Variants in NHERF2 observed in about 807,000 individuals in gnomAD.
NHERF2 encodes the protein Na(+)/H(+) exchange regulatory cofactor NHE-RF2.
At chr16:2,035,980 A>G in the NHERF2 span, 1 of 284,966 alleles carries the variant, frequency 3.5e-6, no homozygotes, top group East Asian at 6.8e-5. Context: ...CTCAGGGACA[A>G]CCGCCCCAGG....
chr16:2,033,537 C>T, the NHERF2 span: 1 of 1,229,682 alleles, frequency 8.1e-7, no homozygotes, highest in South Asian at 1.5e-5. Context: ...GCAGGCTGGT[C>T]GCTGAGCAAC....
chr16:2,036,271 T>C, the NHERF2 span: 2 of 1,526,504 alleles, frequency 1.3e-6, no homozygotes, highest in South Asian at 1.2e-5. Context: ...GGGAGTGGCC[T>C]CTGGAGGCGG....
chr16:2,036,248 G>A, the NHERF2 span: 4 of 1,436,738 alleles, frequency 2.8e-6, no homozygotes, highest in Admixed American at 4.3e-5. Context: ...TTTGGGCAGT[G>A]GCGGCACCAC....
At chr16:2,035,955 C>T in the NHERF2 span, 22 of 234,044 alleles carry the variant, frequency 9.4e-5, no homozygotes, top group South Asian at 7.6e-4. Context: ...GGCAGGGGGA[C>T]GCACAGGCAG....
chr16:2,029,728 G>A, the NHERF2 span: 1 of 1,555,820 alleles, frequency 6.4e-7, no homozygotes, highest in Non-Finnish European at 8.7e-7. Context: ...ACCCCTGGGA[G>A]CCGAAGCCAG....
chr16:2,027,284 G>A, the NHERF2 span: 18 of 987,162 alleles, frequency 1.8e-5, no homozygotes, highest in Non-Finnish European at 2.4e-5. Context: ...GGGGCGAGCA[G>A]GGGTCGCACG....
At chr16:2,031,110 G>A in the NHERF2 span, among the ~76,000 whole-genome samples, 2 of 152,204 alleles carry the variant, frequency 1.3e-5, no homozygotes, top group Non-Finnish European at 1.5e-5. Context: ...CGTCACTGCT[G>A]AAGCTGGCTG....
chr16:2,029,855 T>A, the NHERF2 span: 2 of 1,341,414 alleles, frequency 1.5e-6, no homozygotes. Flanking sequence ...ACGACGATCT[T>A]TGCCTTTGGT....
chr16:2,026,955 C>A, the NHERF2 span: 1 of 818,032 alleles, frequency 1.2e-6, no homozygotes, highest in South Asian at 5.3e-5. Flanking sequence ...GCCGCCGCCC[C>A]CGAGCTCCCC....
the NHERF2 span, chr16:2,037,903 G>A: frequency 1.2e-6 from 2 of 1,611,176 alleles, no homozygotes; most frequent in Non-Finnish European, 1.7e-6. Context: ...AGGCCAAGGA[G>A]AAGGCTCGAG....
the NHERF2 span, chr16:2,038,194 G>A: frequency 2.8e-4 from 168 of 606,488 alleles, no homozygotes; most frequent in Non-Finnish European, 4.4e-4. Flanking sequence ...GAGACCCAGA[G>A]ATGTGAGAGA....
the NHERF2 span, among the ~76,000 whole-genome samples, chr16:2,027,635 G>T: frequency 6.6e-6 from 1 of 152,218 alleles, no homozygotes; most frequent in Admixed American, 6.5e-5. Flanking sequence ...GTGTGCATGC[G>T]CCTGCCTGTG....
chr16:2,027,294 G>A, the NHERF2 span: 1 of 811,538 alleles, frequency 1.2e-6, no homozygotes, highest in Non-Finnish European at 1.7e-6. Context: ...GGGGTCGCAC[G>A]GGGGCCCGAG....
At chr16:2,032,931 C>T in the NHERF2 span, 3 of 1,079,218 alleles carry the variant, frequency 2.8e-6, no homozygotes, top group Admixed American at 5.0e-5. The surrounding 1 kb of genome is among the most constrained non-coding windows in gnomAD (Gnocchi z 4.0). Context: ...TGAGGGGTGA[C>T]AGTTCTGCGG....
At chr16:2,033,907 G>A in the NHERF2 span, among the ~76,000 whole-genome samples, 3 of 152,214 alleles carry the variant, frequency 2.0e-5, no homozygotes, top group East Asian at 1.9e-4. Flanking sequence ...TGTGCCTGGC[G>A]CCACTGGGAC....
At chr16:2,032,287 T>G in the NHERF2 span, among the ~76,000 whole-genome samples, 1 of 152,222 alleles carries the variant, frequency 6.6e-6, no homozygotes, top group Non-Finnish European at 1.5e-5. The surrounding 1 kb of genome is among the most constrained non-coding windows in gnomAD (Gnocchi z 4.0). Flanking sequence ...CCCAAAGTGC[T>G]GGGATTACAG....
At chr16:2,037,046 C>G in the NHERF2 span, 3 of 1,543,256 alleles carry the variant, frequency 1.9e-6, no homozygotes, top group Non-Finnish European at 2.6e-6. Flanking sequence ...CTGGGGGTAC[C>G]CAGGCCCGAC....
the NHERF2 span, among the ~76,000 whole-genome samples, chr16:2,028,994 C>A: frequency 1.3e-5 from 2 of 152,218 alleles, no homozygotes; most frequent in African/African-American, 4.8e-5. Context: ...CAGCCCTTCC[C>A]CTCTCTGCAG....
chr16:2,030,331 G>A, the NHERF2 span, among the ~76,000 whole-genome samples: 1 of 152,174 alleles, frequency 6.6e-6, no homozygotes, highest in Non-Finnish European at 1.5e-5. Flanking sequence ...GGGGGTCCAG[G>A]AGGCTCCAGG....
Sources: allele counts gnomAD v4.1 joint callset (sites outside exome capture counted in the v4.1 genomes callset), GRCh38; gene constraint gnomAD v4.1.1; non-coding constraint Gnocchi (gnomAD v3.1); transcripts MANE v1.5; gene names NCBI Gene and HGNC (gene_info 2026-07-23, HGNC 2026-07-21).